CABIN1: variants seen among roughly 807,000 people sequenced by gnomAD.
The protein encoded by CABIN1 is calcineurin-binding protein cabin-1.
Under a neutral mutation model 227.7 loss-of-function variants are expected in CABIN1, and 133 were observed. The observed-to-expected ratio is 0.58, with a 90% CI of 0.51 to 0.67. CABIN1 has a LOEUF of 0.67. CABIN1 is among the 30% of genes least tolerant of loss of function. CABIN1 has a pLI of 0.00. For synonymous variants in CABIN1, 1,086 were observed against 1,155.1 expected (o/e 0.94, Z 1.21); for missense variants, 2,408 against 2,852.5 (o/e 0.84, Z 3.55).
intron 34 of CABIN1, among the ~76,000 whole-genome samples, chr22:24,175,222 G>A (rs1422324734): frequency 6.6e-6 from 1 of 152,214 alleles, no homozygotes; most frequent in Non-Finnish European, 1.5e-5. Context: ...CAGCCAGCCT[G>A]GGGCAGGAGC....
At chr22:24,026,385 A>G (rs1230408002) in intron 1 of CABIN1, among the ~76,000 whole-genome samples, 2 of 152,160 alleles carry the variant, frequency 1.3e-5, no homozygotes, top group Admixed American at 6.5e-5. Context: ...TTGTAAAGCA[A>G]GAGTTTTTCA....
intron 23 of CABIN1, among the ~76,000 whole-genome samples, chr22:24,089,810 A>T (rs556870592): frequency 6.6e-5 from 10 of 152,312 alleles, no homozygotes; most frequent in African/African-American, 2.2e-4. Context: ...TGCTTTCCCC[A>T]TGATGTCAGT....
At chr22:24,162,813 A>T (rs1390558627) in intron 29 of CABIN1, among the ~76,000 whole-genome samples, 2 of 152,214 alleles carry the variant, frequency 1.3e-5, no homozygotes, top group African/African-American at 4.8e-5. Context: ...CGGAAAGGAG[A>T]TAGGGATCCA....
At chr22:24,067,742 G>C (rs1305418550) in intron 16 of CABIN1, among the ~76,000 whole-genome samples, 1 of 152,098 alleles carries the variant, frequency 6.6e-6, no homozygotes, top group Non-Finnish European at 1.5e-5. Flanking sequence ...CAACCTCTCT[G>C]AGCTCAGTTC....
At chr22:24,172,739 C>T (rs1201382652) in intron 34 of CABIN1, among the ~76,000 whole-genome samples, 1 of 152,232 alleles carries the variant, frequency 6.6e-6, no homozygotes, top group African/African-American at 2.4e-5. Context: ...AGCGCTGCTA[C>T]AGCCAGTGAG....
rs1198696471 is a variant in CABIN1, at chr22:24,118,636, C to G, written c.4301-731C>G. Among the ~76,000 whole-genome samples, 3 of 152,350 alleles carry G rather than the reference C, an allele frequency of 2.0e-5. No individual in the cohort carries two copies. In the East Asian group the frequency reaches 5.8e-4, roughly 29 times the overall value. On this transcript the variant is annotated intron_variant, in intron 27 of 36. Transcript: ENST00000263119. ...TGCCTTTATCCCTTGCTCCCCAGCC[C>G]TTTCCATCTGTCCCACCCTCCCGGG...
At chr22:24,144,350 C>A (rs2044975742) in intron 29 of CABIN1, among the ~76,000 whole-genome samples, 1 of 152,252 alleles carries the variant, frequency 6.6e-6, no homozygotes, top group Non-Finnish European at 1.5e-5. Flanking sequence ...CCCTCCCTTG[C>A]TTTCACCATC....
chr22:24,027,192 G>A (rs558056353), intron 1 of CABIN1, among the ~76,000 whole-genome samples: 5 of 152,100 alleles, frequency 3.3e-5, no homozygotes, highest in African/African-American at 9.6e-5. Context: ...CTAGTATGCC[G>A]AAATACAGTT....
chr22:24,015,547 T>C (rs1238836553), intron 1 of CABIN1, among the ~76,000 whole-genome samples: 1 of 151,574 alleles, frequency 6.6e-6, no homozygotes, highest in Non-Finnish European at 1.5e-5. Context: ...GGTTTCACCG[T>C]GTTAGCCAGG....
At chr22:24,017,588 T>G (rs2146475118) in intron 1 of CABIN1, among the ~76,000 whole-genome samples, 1 of 152,362 alleles carries the variant, frequency 6.6e-6, no homozygotes, top group African/African-American at 2.4e-5. Flanking sequence ...ATATTTGTCT[T>G]TTTATGACTG....
intron 26 of CABIN1, among the ~76,000 whole-genome samples, chr22:24,101,112 AC>A (rs770775755): frequency 6.6e-6 from 1 of 151,904 alleles, no homozygotes; most frequent in Non-Finnish European, 1.5e-5. Context: ...CTGGTTTCCT[AC>A]CCCCACAGAA....
At chr22:24,062,346 ATTTTTTTTTTT>A (rs35757164) in intron 13 of CABIN1, among the ~76,000 whole-genome samples, 8,954 of 96,650 alleles carry the variant, frequency 0.093, 320 homozygotes, top group East Asian at 0.19. Flanking sequence ...GGTGATACGG[ATTTTTTTTTTT>A]TTTTTTTTTT....
chr22:24,043,427 A>T (rs1195883332), intron 6 of CABIN1, among the ~76,000 whole-genome samples: 1 of 142,124 alleles, frequency 7.0e-6, no homozygotes, highest in Non-Finnish European at 1.5e-5. Context: ...GGCTGCCATT[A>T]AAAAAAAATA....
intron 28 of CABIN1, among the ~76,000 whole-genome samples, chr22:24,132,533 T>C (rs2044136811): frequency 6.6e-6 from 1 of 152,172 alleles, no homozygotes; most frequent in Admixed American, 6.5e-5. Context: ...AAGCAGGCTT[T>C]CCAAAGCCTG....
At chr22:24,076,358 A>G (rs5760200) in intron 19 of CABIN1, 74 bp downstream of exon 19, 2 of 1,244,742 alleles carry the variant, frequency 1.6e-6, no homozygotes, top group East Asian at 4.6e-5. Flanking sequence ...TGGGAAGGGG[A>G]CAGATTCATG....
At position 24,125,897 on chromosome 22, in the gene CABIN1, T is replaced by C. The variant is rs140799954; in HGVS notation, c.4632+6199T>C. Among the ~76,000 whole-genome samples the C allele has an allele frequency of 3.7e-3, 570 of 152,284 alleles. 2 individuals carry two copies. The highest frequency in any genetic ancestry group is 0.02 in the Middle Eastern group (6 of 294). On this transcript the variant is annotated intron_variant, in intron 28 of 36. Transcript: ENST00000263119. ...ATGGTTTGAAGATTCTACTGGGCCCTTAGGTGCCAGAGGAGGTGGGACAGG... is the reference window on the plus strand; with the variant it reads ...ATGGTTTGAAGATTCTACTGGGCCCCTAGGTGCCAGAGGAGGTGGGACAGG...
At chr22:24,049,367 T>G in intron 7 of CABIN1, 147 bp downstream of exon 7, 1 of 1,003,180 alleles carries the variant, frequency 1.0e-6, no homozygotes, top group Non-Finnish European at 1.5e-6. Context: ...CCTGATCTAG[T>G]GAACTGACCT....
At chr22:24,096,722 C>T (rs2041916661) in intron 25 of CABIN1, among the ~76,000 whole-genome samples, 1 of 152,234 alleles carries the variant, frequency 6.6e-6, no homozygotes, top group Non-Finnish European at 1.5e-5. Flanking sequence ...GGGAATGTTG[C>T]AGCTGCCCAT....
chr22:24,164,971 G>A (rs1390786155), intron 30 of CABIN1, among the ~76,000 whole-genome samples: 1 of 152,178 alleles, frequency 6.6e-6, no homozygotes, highest in Admixed American at 6.5e-5. Context: ...GGCCTCAGTG[G>A]TAAACAGGGA....
Sources: allele counts gnomAD v4.1 joint callset (sites outside exome capture counted in the v4.1 genomes callset), GRCh38; gene constraint gnomAD v4.1.1; transcripts MANE v1.5; gene names NCBI Gene and HGNC (gene_info 2026-07-23, HGNC 2026-07-21).